The following XPO5 variants were observed in gnomAD, a reference collection of about 807,000 sequenced individuals.
XPO5 encodes exportin-5.
XPO5 carries 46 observed loss-of-function variants against 160.6 expected under a neutral mutation model. That is an observed-to-expected ratio of 0.29 (90% CI 0.23 to 0.37). The LOEUF (loss-of-function observed/expected upper bound fraction) is 0.37. Among genes scored for constraint, XPO5 ranks in the 10% least tolerant of loss-of-function variants. XPO5 has a pLI of 1.00. For missense variants in XPO5, 1,090 were observed against 1,463.9 expected (o/e 0.74, Z 4.17); for synonymous variants, 537 against 519.3 (o/e 1.03, Z -0.46).
In XPO5 at chr6:43,528,129, C is replaced by T. The variant is rs1459725002; in HGVS notation, c.2822+30G>A. On this transcript the variant is annotated intron_variant, in intron 25 of 31. Transcript: ENST00000265351. Reference sequence around the variant, plus strand: ...CCCCAAACCTGGCTGCCAGTTCATCCACCAAGAAGAGTGGGTAGGTATCCC... The same window carrying T: ...CCCCAAACCTGGCTGCCAGTTCATCTACCAAGAAGAGTGGGTAGGTATCCC... The T allele has an allele frequency of 3.2e-6, 5 of 1,575,748 alleles. No individual in the cohort carries two copies. In the South Asian group the frequency reaches 5.8e-5, roughly 18 times the overall value.
In XPO5 at chr6:43,551,141, A is replaced by G. The variant is rs148016812; in HGVS notation, c.1728+157T>C. 1.4e-3 allele frequency: 931 copies of G among 657,354 alleles called. 1 individual carries two copies. The highest frequency in any genetic ancestry group is 2.0e-3 in the Non-Finnish European group (842 of 426,972). The allele number at this position is 657,354 out of a possible 1,614,324, so 40.7% of individuals were successfully genotyped here. A position where few individuals can be genotyped will look rare whatever the true frequency, so the allele number is the denominator to read the frequency against. On this transcript the variant is annotated intron_variant, in intron 15 of 31. Transcript: ENST00000265351. ...CATGGTTGTGCATGCTTGTAGTCTC[A>G]GCTACTCAGAAGGGTGAGGTGTGAG... is the stretch of plus-strand genomic sequence containing the variant.
At chr6:43,565,220 C>T (rs566449539) in intron 8 of XPO5, among the ~76,000 whole-genome samples, 10 of 152,126 alleles carry the variant, frequency 6.6e-5, no homozygotes, top group Non-Finnish European at 1.3e-4. Context: ...CCACATCTGG[C>T]CAATGCCTCA....
intron 16 of XPO5, 144 bp from the exon 17 acceptor site, chr6:43,549,722 C>A: frequency 8.3e-7 from 1 of 1,210,892 alleles, no homozygotes; most frequent in Non-Finnish European, 1.2e-6. Context: ...ACATTTATAG[C>A]CACCAAGAAT....
intron 8 of XPO5, among the ~76,000 whole-genome samples, chr6:43,563,952 TCA>T (rs1362483714): frequency 6.6e-6 from 1 of 152,152 alleles, no homozygotes; most frequent in Non-Finnish European, 1.5e-5. Context: ...AGATGGAGTC[TCA>T]CTCTGTTGCC....
chr6:43,537,156 T>TTG (rs1561869659), intron 20 of XPO5, among the ~76,000 whole-genome samples: 2 of 151,230 alleles, frequency 1.3e-5, no homozygotes, highest in African/African-American at 4.9e-5. Flanking sequence ...TTTTTTTTTT[T>TTG]GTAGAGAAAG....
At chr6:43,537,885 G>A (rs1794435184) in intron 20 of XPO5, among the ~76,000 whole-genome samples, 1 of 151,868 alleles carries the variant, frequency 6.6e-6, no homozygotes, top group Non-Finnish European at 1.5e-5. Flanking sequence ...TGGGTAACAT[G>A]GCAAAACCCT....
In XPO5 at chr6:43,575,910, C is replaced by A. The variant is rs370307309; in HGVS notation, c.-46G>T. 61 of 1,586,910 alleles carry A rather than the reference C, an allele frequency of 3.8e-5. No homozygotes were observed. Among genetic ancestry groups the A allele is most frequent in the Non-Finnish European group, 5.0e-5 (58 of 1,160,118 alleles). ...AGCGCACACCACTGCAGTCCCGGGA[C>A]CACGAGGCACGACAGCTCCCTCGGC... On this transcript the variant is annotated 5_prime_UTR_variant, in exon 1 of 32. Transcript: ENST00000265351.
chr6:43,553,340 A>AAGG (rs1178962601), intron 14 of XPO5, 33 bp downstream of exon 14: 17 of 1,589,526 alleles, frequency 1.1e-5, no homozygotes, highest in Non-Finnish European at 1.4e-5. Context: ...GGTCAAAATA[A>AAGG]TCATGCAGTC....
chr6:43,571,126 G>A, intron 3 of XPO5, 132 bp from the exon 4 acceptor site: 1 of 915,266 alleles, frequency 1.1e-6, no homozygotes. Context: ...AAATGAACCT[G>A]TTCTTCAGCC....
Position 43,567,260 on chromosome 6 carries a change from C to T in XPO5, c.743G>A (p.Cys248Tyr), listed in dbSNP as rs1032678511. The T allele has an allele frequency of 9.9e-6, 16 of 1,613,854 alleles. No individual in the cohort carries two copies. The highest frequency in any genetic ancestry group is 1.2e-5 in the Non-Finnish European group (14 of 1,179,882). ...CAAACACAGTATCTCCAGGAGTTTACAGTTTTCAGCAGTGATGTGACTCAT... is the reference window on the plus strand; with the variant it reads ...CAAACACAGTATCTCCAGGAGTTTATAGTTTTCAGCAGTGATGTGACTCAT... ...VSMSHITAENCKLLEILCLLL... is the reference protein window; with the variant it reads ...VSMSHITAENYKLLEILCLLL... The change falls in exon 7 of 32, where the codon TGT (cysteine) becomes TAT (tyrosine). Residue 248 changes from cysteine to tyrosine, a missense_variant. Physicochemically the swap from Cys to Tyr is radical, Grantham distance 194 (BLOSUM62 -2). Transcript: ENST00000265351.
intron 23 of XPO5, among the ~76,000 whole-genome samples, chr6:43,530,355 C>A (rs1214028155): frequency 2.0e-5 from 3 of 148,716 alleles, no homozygotes; most frequent in African/African-American, 5.0e-5. Flanking sequence ...ACCTGAGAGG[C>A]AGAAGCTGTG....
At position 43,522,741 on chromosome 6, in the gene XPO5, G is replaced by A. The variant is rs1057198013; in HGVS notation, c.*1127C>T. On this transcript the variant is annotated 3_prime_UTR_variant, in exon 32 of 32. Transcript: ENST00000265351. ...TGTCAGTGGACTGGATGGACAACAG[G>A]TCTGTTTTTGTGCAGAGCACATGGA... The A allele has an allele frequency of 2.0e-6, 1 of 497,068 alleles. No individual in the cohort carries two copies. The highest frequency in any genetic ancestry group is 4.2e-6 in the Non-Finnish European group (1 of 237,504). The allele number at this position is 497,068 out of a possible 1,614,324, so 30.8% of individuals were successfully genotyped here.
At chr6:43,571,069 A>T (rs1170763938) in intron 3 of XPO5, 75 bp from the exon 4 acceptor site, 5 of 1,489,914 alleles carry the variant, frequency 3.4e-6, no homozygotes, top group Non-Finnish European at 4.5e-6. Flanking sequence ...TGGGCTGTAG[A>T]GTTGTAAAAA....
intron 13 of XPO5, among the ~76,000 whole-genome samples, chr6:43,554,432 T>C (rs1436870290): frequency 3.3e-5 from 5 of 150,140 alleles, no homozygotes; most frequent in Admixed American, 2.7e-4. Context: ...CTTTTTTTTT[T>C]TTTTCTTTTT....
intron 20 of XPO5, among the ~76,000 whole-genome samples, chr6:43,542,264 G>C (rs1018309802): frequency 2.6e-5 from 4 of 152,042 alleles, no homozygotes; most frequent in Admixed American, 2.6e-4. Context: ...GTGCTCAATA[G>C]TTTCATGTGG....
intron 26 of XPO5, chr6:43,527,009 T>C (rs374759589): frequency 4.3e-6 from 2 of 464,304 alleles, no homozygotes; most frequent in African/African-American, 3.9e-5. Context: ...GGATGCTTGA[T>C]ACATCCCTGG....
chr6:43,538,955 T>C (rs1254937747), intron 20 of XPO5: 4 of 1,356,722 alleles, frequency 2.9e-6, no homozygotes, highest in East Asian at 4.6e-5. Context: ...GGGGGTCAGG[T>C]AGCTGTAGGT....
Position 43,522,374 on chromosome 6 carries a change from G to T in XPO5, c.*1494C>A, listed in dbSNP as rs775321024. 1.1e-4 allele frequency: 18 copies of T among 159,038 alleles called. No homozygotes were observed. The highest frequency in any genetic ancestry group is 2.1e-4 in the Non-Finnish European group (15 of 71,822). The allele number at this position is 159,038 out of a possible 1,614,324, so 9.9% of individuals were successfully genotyped here. On this transcript the variant is annotated 3_prime_UTR_variant, in exon 32 of 32. Coordinates refer to ENST00000265351, the MANE Select transcript of XPO5 (RefSeq NM_020750.3). ...GAGATTTTTACTGACATGCAGATGTGCTTTAGAGTTAATGTTTCTACAAAA... is the reference window on the plus strand; with the variant it reads ...GAGATTTTTACTGACATGCAGATGTTCTTTAGAGTTAATGTTTCTACAAAA...
At chr6:43,543,627 A>T (rs9472074) in intron 20 of XPO5, among the ~76,000 whole-genome samples, 28,599 of 151,994 alleles carry the variant, frequency 0.19, 5,753 homozygotes, top group African/African-American at 0.51. Flanking sequence ...TCACAAGTTA[A>T]GCCCTTTTCT....
Sources: allele counts gnomAD v4.1 joint callset (sites outside exome capture counted in the v4.1 genomes callset), GRCh38; gene constraint gnomAD v4.1.1; transcripts MANE v1.5; gene names NCBI Gene and HGNC (gene_info 2026-07-23, HGNC 2026-07-21).